TPST1: variants seen among roughly 807,000 people sequenced by gnomAD.
TPST1 encodes tyrosylprotein sulfotransferase 1.
In TPST1, 20 loss-of-function variants were observed where a neutral mutation model predicts 34.8. The observed-to-expected ratio is 0.57, with a 90% CI of 0.40 to 0.84. The LOEUF (loss-of-function observed/expected upper bound fraction) is 0.84, where lower values mean the gene tolerates loss of function less well. TPST1 is among the 40% of genes least tolerant of loss of function. The probability of loss-of-function intolerance (pLI) is 0.00; values close to 1 mark genes in which losing one functional copy is unlikely to be tolerated. For missense variants in TPST1, 353 were observed against 455.5 expected, an observed-to-expected ratio of 0.78 and a Z score of 2.05; for synonymous variants, 152 against 159.4, an observed-to-expected ratio of 0.95 and a Z score of 0.35.
At chr7:66,344,721 ATT>A (rs757855278) in intron 3 of TPST1, among the ~76,000 whole-genome samples, 30 of 128,728 alleles carry the variant, frequency 2.3e-4, no homozygotes, top group Admixed American at 3.2e-4. Flanking sequence ...AACATTTCTA[ATT>A]TTTTTTTTTT....
At chr7:66,347,016 A>G (rs1326979774) in intron 3 of TPST1, among the ~76,000 whole-genome samples, 1 of 141,802 alleles carries the variant, frequency 7.1e-6, no homozygotes, top group African/African-American at 2.6e-5. Context: ...GGCAAGAGAT[A>G]GGGGTCTAGT....
chr7:66,303,254 C>A (rs1791353307), intron 3 of TPST1, among the ~76,000 whole-genome samples: 1 of 149,008 alleles, frequency 6.7e-6, no homozygotes, highest in South Asian at 2.2e-4. Context: ...AAAGTAACAA[C>A]TTTCTGGTCT....
intron 2 of TPST1, among the ~76,000 whole-genome samples, chr7:66,268,072 C>T (rs767378552): frequency 5.3e-5 from 8 of 152,202 alleles, no homozygotes; most frequent in Middle Eastern, 3.4e-3. Flanking sequence ...CCTACCTCAG[C>T]CTCCCAAGTA....
chr7:66,265,372 A>G (rs1227818445), intron 2 of TPST1, among the ~76,000 whole-genome samples: 3 of 152,126 alleles, frequency 2.0e-5, no homozygotes, highest in Admixed American at 2.0e-4. Context: ...CAACAGCGTG[A>G]AACCCTGTCT....
chr7:66,265,549 C>CAAAAAAAAAAAAAA (rs61289876), intron 2 of TPST1, among the ~76,000 whole-genome samples: 2 of 129,214 alleles, frequency 1.5e-5, no homozygotes. Context: ...AACCCTGTCT[C>CAAAAAAAAAAAAAA]AAAAAAAAAA....
intron 3 of TPST1, among the ~76,000 whole-genome samples, chr7:66,343,728 A>C (rs558757511): frequency 1.3e-5 from 2 of 152,356 alleles, no homozygotes; most frequent in African/African-American, 4.8e-5. Context: ...CTTACAAGAC[A>C]TGCTAAAAGG....
At chr7:66,271,897 T>A (rs2115808026) in intron 2 of TPST1, among the ~76,000 whole-genome samples, 1 of 152,294 alleles carries the variant, frequency 6.6e-6, no homozygotes, top group African/African-American at 2.4e-5. Flanking sequence ...CAACAGATTA[T>A]TCTTTGGATT....
intron 3 of TPST1, among the ~76,000 whole-genome samples, chr7:66,304,516 C>T (rs1562836111): frequency 6.6e-6 from 1 of 152,212 alleles, no homozygotes; most frequent in Non-Finnish European, 1.5e-5. Flanking sequence ...CTGTCCTAGA[C>T]AACAGTGGTG....
At chr7:66,232,710 G>T (rs1273932593) in intron 1 of TPST1, among the ~76,000 whole-genome samples, 1 of 152,132 alleles carries the variant, frequency 6.6e-6, no homozygotes, top group African/African-American at 2.4e-5. Context: ...CTCATACTGT[G>T]TTGCCCATGC....
chr7:66,346,861 T>C (rs1353825610), intron 3 of TPST1, among the ~76,000 whole-genome samples: 1 of 152,108 alleles, frequency 6.6e-6, no homozygotes, highest in African/African-American at 2.4e-5. Context: ...TTGCTTTGGG[T>C]GCCTGTCTTT....
At chr7:66,347,034 TTTC>T (rs1050735862) in intron 3 of TPST1, among the ~76,000 whole-genome samples, 6 of 150,618 alleles carry the variant, frequency 4.0e-5, no homozygotes, top group African/African-American at 1.5e-4. Context: ...AGTTTCTTTC[TTTC>T]TTCTTTTTTT....
intron 3 of TPST1, among the ~76,000 whole-genome samples, chr7:66,328,906 A>ATATATATATATAT (rs1299138303): frequency 2.3e-4 from 3 of 13,158 alleles, no homozygotes; most frequent in Non-Finnish European, 3.5e-4. Context: ...ATATATATAT[A>ATATATATATATAT]TTTTTTTTTT....
chr7:66,287,625 A>G (rs1216831175), intron 3 of TPST1, among the ~76,000 whole-genome samples: 1 of 131,586 alleles, frequency 7.6e-6, no homozygotes, highest in Non-Finnish European at 1.6e-5. Context: ...GCATTTCTTC[A>G]TGGTTTTTTG....
intron 3 of TPST1, among the ~76,000 whole-genome samples, chr7:66,340,787 A>C (rs1792221415): frequency 6.6e-6 from 1 of 152,156 alleles, no homozygotes. Flanking sequence ...GGATTAGAAG[A>C]ATTAATATTG....
chr7:66,347,514 C>T (rs1363519452), intron 3 of TPST1, among the ~76,000 whole-genome samples: 1 of 152,106 alleles, frequency 6.6e-6, no homozygotes, highest in Non-Finnish European at 1.5e-5. Context: ...TCTGGGTTAT[C>T]TGTTCTTTTC....
At chr7:66,347,193 G>A (rs544456388) in intron 3 of TPST1, among the ~76,000 whole-genome samples, 5 of 147,448 alleles carry the variant, frequency 3.4e-5, no homozygotes, top group African/African-American at 1.0e-4. Context: ...TCAGCCTCCT[G>A]AGTAGCTGGG....
chr7:66,237,834 G>A (rs1789941792), intron 1 of TPST1, among the ~76,000 whole-genome samples: 1 of 152,162 alleles, frequency 6.6e-6, no homozygotes, highest in Non-Finnish European at 1.5e-5. Flanking sequence ...ATGAGTTGAT[G>A]TTGCAGTCTT....
rs182960942 is a variant in TPST1, at chr7:66,359,471, A to C, written c.*30-424A>C. On this transcript the variant is annotated intron_variant, in intron 5 of 5. Coordinates refer to ENST00000304842, the MANE Select transcript of TPST1 (RefSeq NM_003596.4). ...GACCCATTTCTTCACATAAGGAGGA[A>C]TCAGGGTCTTGACCCCTGGACACTT... is the stretch of plus-strand genomic sequence containing the variant. 23 of 166,128 alleles carry C rather than the reference A, an allele frequency of 1.4e-4. No individual in the cohort carries two copies. In the East Asian group the frequency reaches 3.9e-3, roughly 28 times the overall value. The allele number at this position is 166,128 out of a possible 1,614,324, so 10.3% of individuals were successfully genotyped here.
intron 1 of TPST1, among the ~76,000 whole-genome samples, chr7:66,227,577 C>T (rs540229870): frequency 6.6e-6 from 1 of 151,734 alleles, no homozygotes; most frequent in Non-Finnish European, 1.5e-5. Flanking sequence ...AAACAAGGAC[C>T]CCTCTGGATG....
Sources: gnomAD v4.1 joint callset for allele counts (sites outside exome capture counted in the v4.1 genomes callset) on GRCh38, gnomAD v4.1.1 for gene constraint, MANE v1.5 for transcripts, NCBI Gene and HGNC (gene_info 2026-07-23, HGNC 2026-07-21) for gene names.